The following CACHD1 variants were observed in gnomAD, a reference collection of about 807,000 sequenced individuals.
CACHD1 encodes the protein VWFA and cache domain-containing protein 1.
Under a neutral mutation model 138.7 loss-of-function variants are expected in CACHD1, and 71 were observed. The ratio of observed to expected loss-of-function variants is 0.51; its 90% CI spans 0.42 to 0.62. CACHD1 has a LOEUF of 0.62. CACHD1 is among the 20% of genes least tolerant of loss of function. CACHD1 has a pLI of 0.00. For synonymous variants in CACHD1, 578 were observed against 591.5 expected, an observed-to-expected ratio of 0.98 and a Z score of 0.33; for missense variants, 1,389 against 1,625.3, an observed-to-expected ratio of 0.85 and a Z score of 2.50.
chr1:64,570,670 T>C (rs1476013277), intron 2 of CACHD1, among the ~76,000 whole-genome samples: 1 of 152,154 alleles, frequency 6.6e-6, no homozygotes, highest in African/African-American at 2.4e-5. Context: ...TAGATGCAGC[T>C]TGGCAAGGGA....
chr1:64,553,105 A>G (rs930672115), intron 2 of CACHD1, among the ~76,000 whole-genome samples: 1 of 152,248 alleles, frequency 6.6e-6, no homozygotes, highest in Admixed American at 6.5e-5. Flanking sequence ...TAGTATAAAC[A>G]GGTCTTAAAT....
chr1:64,611,578 C>G (rs139948500), intron 4 of CACHD1, among the ~76,000 whole-genome samples: 16 of 152,330 alleles, frequency 1.1e-4, no homozygotes, highest in Admixed American at 1.0e-3. Flanking sequence ...AGTCTCTTTG[C>G]TAAAGCATAG....
chr1:64,612,994 A>G (rs1296619445), intron 4 of CACHD1, among the ~76,000 whole-genome samples: 3 of 152,256 alleles, frequency 2.0e-5, no homozygotes, highest in Non-Finnish European at 2.9e-5. Context: ...TTTGGGATTC[A>G]TGGAAGGAGG....
chr1:64,686,444 T>C (rs138769929), intron 26 of CACHD1, among the ~76,000 whole-genome samples: 9 of 152,340 alleles, frequency 5.9e-5, no homozygotes, highest in Non-Finnish European at 1.5e-5. Flanking sequence ...TTGTTGTATC[T>C]TAAGAAAAAC....
At chr1:64,629,532 A>T in intron 5 of CACHD1, 51 bp downstream of exon 5, 1 of 1,576,364 alleles carries the variant, frequency 6.3e-7, no homozygotes. Context: ...AGAGTGATCT[A>T]CATGAAATAT....
At chr1:64,523,866 C>T (rs1646516768) in intron 1 of CACHD1, among the ~76,000 whole-genome samples, 1 of 152,216 alleles carries the variant, frequency 6.6e-6, no homozygotes, top group African/African-American at 2.4e-5. Flanking sequence ...CTTTCACATG[C>T]TTTATTCTTT....
intron 1 of CACHD1, among the ~76,000 whole-genome samples, chr1:64,498,475 C>T (rs183945738): frequency 5.3e-5 from 8 of 152,260 alleles, no homozygotes; most frequent in East Asian, 3.9e-4. Flanking sequence ...TGCAGGGAGG[C>T]GCCTTCCTTA....
chr1:64,576,502 A>C (rs1036232824), intron 2 of CACHD1, among the ~76,000 whole-genome samples: 2 of 152,038 alleles, frequency 1.3e-5, no homozygotes, highest in Admixed American at 1.3e-4. Context: ...AAGAAAAAAA[A>C]AAAAAGACGC....
chr1:64,617,926 A>T (rs943366785), intron 4 of CACHD1, among the ~76,000 whole-genome samples: 1 of 152,100 alleles, frequency 6.6e-6, no homozygotes, highest in African/African-American at 2.4e-5. Context: ...TAAAAATACA[A>T]AAAATTAGCC....
At chr1:64,645,492 AAG>A (rs1375496918) in intron 8 of CACHD1, among the ~76,000 whole-genome samples, 1 of 152,176 alleles carries the variant, frequency 6.6e-6, no homozygotes, top group Admixed American at 6.5e-5. Flanking sequence ...AAATTTAAAA[AAG>A]AGTTTATTGT....
intron 12 of CACHD1, among the ~76,000 whole-genome samples, chr1:64,658,159 A>T (rs188712214): frequency 1.2e-4 from 18 of 152,330 alleles, no homozygotes; most frequent in Admixed American, 9.2e-4. Context: ...TTAAGTAGTG[A>T]TGTTGGTCAT....
At position 64,675,971 on chromosome 1, in the gene CACHD1, A is replaced by C. The variant is rs768465225; in HGVS notation, c.2963A>C (p.Asn988Thr). ...AATGAGTGCACTGGCAACCTCACCA[A>C]TGCAGAGAACCGGTAAAATAATTAA... is the stretch of plus-strand genomic sequence containing the variant. ...EVNECTGNLT[N>T]AENRNPSCEV... Residue 988 changes from asparagine (N) to threonine (T), a missense_variant, in exon 21 of 27, where the codon AAT becomes ACT. Physicochemically the swap from Asn to Thr is moderately conservative, Grantham distance 65. This residue lies in a region of CACHD1 where 250 missense variants were observed against 292.9 expected (regional missense o/e 0.85). Coordinates refer to ENST00000651257, the MANE Select transcript of CACHD1 (RefSeq NM_020925.4). 1.6e-5 allele frequency: 21 copies of C among 1,338,392 alleles called. No individual in the cohort carries two copies. Among genetic ancestry groups the C allele is most frequent in the Non-Finnish European group, 2.0e-5 (20 of 1,009,526 alleles). The allele number at this position is 1,338,392 out of a possible 1,614,324, so 82.9% of individuals were successfully genotyped here. A position where few individuals can be genotyped will look rare whatever the true frequency, so the allele number is the denominator to read the frequency against.
chr1:64,605,166 T>C (rs1395430780), intron 4 of CACHD1, among the ~76,000 whole-genome samples: 2 of 151,986 alleles, frequency 1.3e-5, no homozygotes, highest in Non-Finnish European at 2.9e-5. Context: ...GGTTTCACCA[T>C]GTTGGCCAGG....
intron 4 of CACHD1, among the ~76,000 whole-genome samples, chr1:64,617,805 G>A (rs532476942): frequency 6.6e-6 from 1 of 152,194 alleles, no homozygotes; most frequent in Non-Finnish European, 1.5e-5. Flanking sequence ...ATGGCTGGGT[G>A]CAGTGGCTCA....
At chr1:64,608,327 T>C (rs1346017931) in intron 4 of CACHD1, among the ~76,000 whole-genome samples, 1 of 152,176 alleles carries the variant, frequency 6.6e-6, no homozygotes, top group Non-Finnish European at 1.5e-5. Flanking sequence ...GAGTTCCCCC[T>C]TTTCCTCCTG....
chr1:64,482,984 A>C (rs1646219889), intron 1 of CACHD1, among the ~76,000 whole-genome samples: 1 of 152,230 alleles, frequency 6.6e-6, no homozygotes, highest in Non-Finnish European at 1.5e-5. Context: ...ATTGCCCAGC[A>C]GCCCTTAAAT....
At chr1:64,650,736 C>T (rs1649060997) in intron 9 of CACHD1, among the ~76,000 whole-genome samples, 2 of 152,166 alleles carry the variant, frequency 1.3e-5, no homozygotes, top group Admixed American at 1.3e-4. Context: ...AATCCCTTTC[C>T]TGGGGGTTTC....
At chr1:64,626,340 T>A (rs1302859447) in intron 4 of CACHD1, among the ~76,000 whole-genome samples, 1 of 152,200 alleles carries the variant, frequency 6.6e-6, no homozygotes, top group Non-Finnish European at 1.5e-5. Context: ...AATCAAAATA[T>A]TTGCCATAGA....
intron 1 of CACHD1, among the ~76,000 whole-genome samples, chr1:64,543,855 C>T (rs1344116446): frequency 7.6e-6 from 1 of 131,106 alleles, no homozygotes; most frequent in Admixed American, 8.3e-5. Flanking sequence ...TCATTAATTA[C>T]CTTTTCAGTG....
Sources: allele counts gnomAD v4.1 joint callset (sites outside exome capture counted in the v4.1 genomes callset), GRCh38; gene constraint gnomAD v4.1.1; regional missense constraint gnomAD v4.1.1; transcripts MANE v1.5; gene names NCBI Gene and HGNC (gene_info 2026-07-23, HGNC 2026-07-21).